Variants in FAAH2 observed in about 807,000 individuals in gnomAD.
FAAH2 encodes fatty acid amide hydrolase 2, also known as fatty-acid amide hydrolase 2.
FAAH2 carries 60 observed loss-of-function variants against 36.9 expected under a neutral mutation model. The ratio of observed to expected loss-of-function variants is 1.63; its 90% CI spans 1.32 to 2.02. The LOEUF (loss-of-function observed/expected upper bound fraction) is 2.02. FAAH2 is among the 30% of genes most tolerant of loss of function. The probability of loss-of-function intolerance (pLI) is 0.00; values close to 1 mark genes in which losing one functional copy is unlikely to be tolerated. For synonymous variants in FAAH2, 214 were observed against 143.8 expected (o/e 1.49, Z -3.49); for missense variants, 689 against 397.5 (o/e 1.73, Z -6.23).
chrX:57,325,481 G>A (rs780334670), intron 3 of FAAH2, among the ~76,000 whole-genome samples: 2 of 110,959 alleles, frequency 1.8e-5, no homozygotes, highest in African/African-American at 3.3e-5. Flanking sequence ...AACTTTTTTT[G>A]GTTGGTAGGC....
chrX:57,246,272 T>A, the FAAH2 span, among the ~76,000 whole-genome samples: 1 of 111,794 alleles, frequency 8.9e-6, no homozygotes, highest in African/African-American at 3.3e-5. Flanking sequence ...TCAGATGGAT[T>A]CACAGCCGAA....
intron 8 of FAAH2, among the ~76,000 whole-genome samples, chrX:57,446,010 G>A (rs1404741842): frequency 8.9e-6 from 1 of 112,590 alleles, no homozygotes; most frequent in African/African-American, 3.2e-5. Flanking sequence ...CTGGAGCTGA[G>A]AATTTCCCTC....
At chrX:57,346,403 G>A (rs2053822689) in intron 5 of FAAH2, among the ~76,000 whole-genome samples, 1 of 111,429 alleles carries the variant, frequency 9.0e-6, no homozygotes, top group African/African-American at 3.3e-5. Flanking sequence ...ATTGTTGTTG[G>A]TTTAAGATCT....
Position 57,414,850 on chromosome X carries a change from CTT to C in FAAH2, c.997-17050_997-17049del, listed in dbSNP as rs760473454. Among the ~76,000 whole-genome samples the C allele has an allele frequency of 4.5e-3, 263 of 57,833 alleles. 2 individuals are homozygous for C. The highest frequency in any genetic ancestry group is 0.016 in the African/African-American group (244 of 15,573). The allele number at this position is 57,833 out of a possible 115,157, so 50.2% of individuals were successfully genotyped here. A position where few individuals can be genotyped will look rare whatever the true frequency, so the allele number is the denominator to read the frequency against. Reference sequence around the variant, plus strand: ...GACTGTAAATTCATCTTGTCCTGGGCTTTTTTTTTTTTTTTTTTTGGTTGGTA... The same window carrying C: ...GACTGTAAATTCATCTTGTCCTGGGCTTTTTTTTTTTTTTTTTGGTTGGTA... On this transcript the variant is annotated intron_variant, in intron 7 of 10. Coordinates refer to ENST00000374900, the MANE Select transcript of FAAH2 (RefSeq NM_174912.4).
chrX:57,417,711 G>A (rs184518709), intron 7 of FAAH2, among the ~76,000 whole-genome samples: 1 of 111,839 alleles, frequency 8.9e-6, no homozygotes, highest in African/African-American at 3.2e-5. Context: ...CAGCAGTCAG[G>A]GATCCACTTG....
intron 8 of FAAH2, among the ~76,000 whole-genome samples, chrX:57,444,240 G>C (rs1256339160): frequency 1.8e-5 from 2 of 112,358 alleles, no homozygotes; most frequent in Non-Finnish European, 3.8e-5. Flanking sequence ...GCTTCCTTGA[G>C]CTGTGGTGGG....
chrX:57,127,204 A>G, the FAAH2 span: 2 of 111,530 alleles, frequency 1.8e-5, no homozygotes, highest in Non-Finnish European at 3.8e-5. Flanking sequence ...GTTATATGAA[A>G]CAATACATTC....
At chrX:57,195,277 T>C in the FAAH2 span, among the ~76,000 whole-genome samples, 1 of 111,598 alleles carries the variant, frequency 9.0e-6, no homozygotes, top group African/African-American at 3.3e-5. Flanking sequence ...ACATCTATTT[T>C]TTTTAAATTT....
chrX:57,394,987 G>A (rs2055258775), intron 7 of FAAH2: 1 of 571,754 alleles, frequency 1.7e-6, no homozygotes, highest in Non-Finnish European at 3.2e-6. Flanking sequence ...TACAAGGAAT[G>A]AAACAGTCAT....
At chrX:57,480,626 C>T (rs2057361673) in intron 10 of FAAH2, among the ~76,000 whole-genome samples, 1 of 111,922 alleles carries the variant, frequency 8.9e-6, no homozygotes, top group African/African-American at 3.2e-5. Context: ...TGTTCGGCTT[C>T]CCTTTGTAGG....
chrX:57,223,993 C>T, the FAAH2 span, among the ~76,000 whole-genome samples: 12 of 111,465 alleles, frequency 1.1e-4, no homozygotes, highest in Non-Finnish European at 1.9e-4. Flanking sequence ...ACTCACCAGT[C>T]GTAAACAAAA....
At chrX:57,443,156 C>T (rs1296860146) in intron 8 of FAAH2, among the ~76,000 whole-genome samples, 1 of 111,743 alleles carries the variant, frequency 8.9e-6, no homozygotes, top group Non-Finnish European at 1.9e-5. Context: ...GAATGTTGGC[C>T]TGCCTCGCTA....
the FAAH2 span, among the ~76,000 whole-genome samples, chrX:57,230,307 G>A: frequency 8.9e-6 from 1 of 112,117 alleles, no homozygotes; most frequent in Non-Finnish European, 1.9e-5. Context: ...TGAAGTGTTT[G>A]TGGACTTGGG....
chrX:57,439,275 CTT>C (rs2056489813), intron 8 of FAAH2, among the ~76,000 whole-genome samples: 1 of 110,403 alleles, frequency 9.1e-6, no homozygotes, highest in Admixed American at 9.7e-5. Context: ...TGTTTCCTGA[CTT>C]TTTAATGATC....
chrX:57,416,916 T>A (rs1359273741), intron 7 of FAAH2, among the ~76,000 whole-genome samples: 1 of 112,185 alleles, frequency 8.9e-6, no homozygotes, highest in African/African-American at 3.2e-5. Flanking sequence ...TCTTGGAGAC[T>A]TTGTTTGCTT....
chrX:57,427,452 G>A (rs1439991351), intron 7 of FAAH2, among the ~76,000 whole-genome samples: 1 of 110,722 alleles, frequency 9.0e-6, no homozygotes, highest in Non-Finnish European at 1.9e-5. Context: ...AAATAGAAGA[G>A]AAAAGAAATC....
intron 10 of FAAH2, among the ~76,000 whole-genome samples, chrX:57,474,190 G>A (rs2147257216): frequency 9.0e-6 from 1 of 111,112 alleles, no homozygotes; most frequent in East Asian, 2.8e-4. Context: ...CCAATCTAGT[G>A]GTGATTTTTT....
the FAAH2 span, among the ~76,000 whole-genome samples, chrX:57,246,472 T>A: frequency 3.6e-5 from 4 of 111,531 alleles, no homozygotes; most frequent in Non-Finnish European, 7.5e-5. Context: ...AAATTCTCAA[T>A]AAAATACTAG....
chrX:57,240,122 G>A, the FAAH2 span, among the ~76,000 whole-genome samples: 4 of 112,057 alleles, frequency 3.6e-5, no homozygotes, highest in Non-Finnish European at 7.5e-5. Context: ...GAGTTTCAGA[G>A]TTCTTGCACT....
Sources: gnomAD v4.1 joint callset for allele counts (sites outside exome capture counted in the v4.1 genomes callset) on GRCh38, gnomAD v4.1.1 for gene constraint, MANE v1.5 for transcripts, NCBI Gene and HGNC (gene_info 2026-07-23, HGNC 2026-07-21) for gene names.